Variants in KCNJ3 observed in about 807,000 individuals in gnomAD.
KCNJ3 encodes potassium inwardly rectifying channel subfamily J member 3.
Under a neutral mutation model 39.2 loss-of-function variants are expected in KCNJ3, and 4 were observed. That is an observed-to-expected ratio of 0.10 (90% CI 0.05 to 0.23). The LOEUF is 0.23. Among genes scored for constraint, KCNJ3 ranks in the 10% least tolerant of loss-of-function variants. The pLI, the probability that KCNJ3 is intolerant of heterozygous loss-of-function variation, is 1.00. For synonymous variants in KCNJ3, 230 were observed against 237.4 expected, an observed-to-expected ratio of 0.97 and a Z score of 0.29; for missense variants, 276 against 634.9, an observed-to-expected ratio of 0.43 and a Z score of 6.08.
chr2:154,802,982 C>T (rs1686846231), intron 2 of KCNJ3, among the ~76,000 whole-genome samples: 3 of 151,850 alleles, frequency 2.0e-5, no homozygotes, highest in African/African-American at 7.3e-5. Flanking sequence ...CTTCAAGGCT[C>T]TGAAACCAAT....
intron 2 of KCNJ3, among the ~76,000 whole-genome samples, chr2:154,737,368 A>T (rs1304619891): frequency 6.6e-6 from 1 of 152,196 alleles, no homozygotes. Context: ...ACTCAAAAAT[A>T]TTTATGGAAA....
At position 154,804,615 on chromosome 2, in the gene KCNJ3, G is replaced by A. The variant is rs116729109; in HGVS notation, c.920-50112G>A. Among the ~76,000 whole-genome samples the A allele has an allele frequency of 2.9e-3, 446 of 152,264 alleles. 4 individuals are homozygous for A. The highest frequency in any genetic ancestry group is 0.01 in the African/African-American group (432 of 41,566). On this transcript the variant is annotated intron_variant, in intron 2 of 2. Transcript: ENST00000295101. ...CTGACTTATTCTGTGACAAGTAAGT[G>A]TCAAGTACTAGGCAAGGTGCTGTTT...
At chr2:154,788,261 A>G (rs890111795) in intron 2 of KCNJ3, among the ~76,000 whole-genome samples, 9 of 152,172 alleles carry the variant, frequency 5.9e-5, no homozygotes, top group African/African-American at 2.2e-4. Context: ...AGCTGGCAAA[A>G]TGGAGATATT....
At chr2:154,730,985 G>T (rs1312881751) in intron 2 of KCNJ3, among the ~76,000 whole-genome samples, 2 of 152,012 alleles carry the variant, frequency 1.3e-5, no homozygotes, top group Non-Finnish European at 2.9e-5. Flanking sequence ...AATTCATTTA[G>T]ACTCTATGTT....
rs139484046 is a variant in KCNJ3 at position 154,712,594 on chromosome 2, C to T, written c.919+2775C>T. Among the ~76,000 whole-genome samples the T allele has an allele frequency of 7.4e-4, 112 of 152,100 alleles. 2 individuals are homozygous for T. The East Asian group carries it at 0.02, about 27-fold the overall frequency. Reference sequence around the variant, plus strand: ...AGATGCTAGAGATATAGTGGTGACCCGGACAGAAAGAATTTCTTTCCTCAG... The same window carrying T: ...AGATGCTAGAGATATAGTGGTGACCTGGACAGAAAGAATTTCTTTCCTCAG... On this transcript the variant is annotated intron_variant, in intron 2 of 2. Transcript: ENST00000295101.
chr2:154,776,262 A>G (rs988487803), intron 2 of KCNJ3, among the ~76,000 whole-genome samples: 1 of 152,102 alleles, frequency 6.6e-6, no homozygotes, highest in Non-Finnish European at 1.5e-5. Context: ...TTGGCCTCCC[A>G]AAGTGCTTGG....
intron 1 of KCNJ3, among the ~76,000 whole-genome samples, chr2:154,701,005 C>T (rs1488047690): frequency 6.6e-6 from 1 of 152,098 alleles, no homozygotes; most frequent in Non-Finnish European, 1.5e-5. Context: ...CAATGAACTG[C>T]ATACAATTTT....
chr2:154,805,617 A>G (rs1257920642), intron 2 of KCNJ3, among the ~76,000 whole-genome samples: 3 of 152,172 alleles, frequency 2.0e-5, no homozygotes, highest in African/African-American at 7.2e-5. Context: ...GGGCTATGAT[A>G]GAAGTATATT....
At chr2:154,771,906 G>A (rs1468897363) in intron 2 of KCNJ3, among the ~76,000 whole-genome samples, 1 of 152,126 alleles carries the variant, frequency 6.6e-6, no homozygotes, top group Non-Finnish European at 1.5e-5. Flanking sequence ...TACAATAGTG[G>A]TGGCTTCATA....
intron 2 of KCNJ3, among the ~76,000 whole-genome samples, chr2:154,797,163 A>C (rs566618757): frequency 1.8e-4 from 28 of 152,290 alleles, no homozygotes; most frequent in African/African-American, 6.5e-4. Flanking sequence ...TGTTTGGCAA[A>C]TGTGGGCAGC....
intron 2 of KCNJ3, among the ~76,000 whole-genome samples, chr2:154,726,835 A>ACACACACACACC (rs1553455093): frequency 2.0e-4 from 20 of 98,252 alleles, no homozygotes; most frequent in African/African-American, 5.6e-4. Flanking sequence ...ACACACACAC[A>ACACACACACACC]TACACCATGG....
chr2:154,740,716 T>C (rs1305038021), intron 2 of KCNJ3, among the ~76,000 whole-genome samples: 2 of 152,092 alleles, frequency 1.3e-5, no homozygotes, highest in East Asian at 3.9e-4. Flanking sequence ...GGTGAAAGTT[T>C]TATATAATCA....
intron 2 of KCNJ3, among the ~76,000 whole-genome samples, chr2:154,836,785 G>C (rs540028795): frequency 1.3e-5 from 2 of 152,192 alleles, no homozygotes; most frequent in Admixed American, 1.3e-4. Context: ...GCAAAGCATA[G>C]AACCAGAACA....
intron 2 of KCNJ3, among the ~76,000 whole-genome samples, chr2:154,828,369 G>A (rs935795083): frequency 6.6e-5 from 10 of 152,276 alleles, no homozygotes; most frequent in African/African-American, 2.4e-4. Context: ...CCACATGCAA[G>A]GGCCATCAGG....
chr2:154,725,914 AG>A (rs201044662), intron 2 of KCNJ3, among the ~76,000 whole-genome samples: 1,737 of 152,294 alleles, frequency 0.011, 55 homozygotes, highest in Admixed American at 0.07. Flanking sequence ...CACATGTAGA[AG>A]AATGAAACTT....
At chr2:154,812,048 C>A (rs879943599) in intron 2 of KCNJ3, among the ~76,000 whole-genome samples, 1 of 152,118 alleles carries the variant, frequency 6.6e-6, no homozygotes, top group Non-Finnish European at 1.5e-5. Flanking sequence ...AAAATGATCT[C>A]ATTTACCAGA....
At chr2:154,788,790 A>C (rs1297629959) in intron 2 of KCNJ3, among the ~76,000 whole-genome samples, 3 of 151,886 alleles carry the variant, frequency 2.0e-5, no homozygotes, top group Admixed American at 2.0e-4. Flanking sequence ...TTTTAAAAAG[A>C]AACTCAGGTG....
rs566643501 is a variant in KCNJ3, at chr2:154,764,082, T to C, written c.919+54263T>C. 2.6e-5 allele frequency among the ~76,000 whole-genome samples: 4 copies of C among 152,344 alleles called. No individual in the cohort carries two copies. In the South Asian group the frequency reaches 6.2e-4, roughly 24 times the overall value. ...TCAAACTGAGACAGTCTCTCTGTTC[T>C]CAAGTGTGATATCAATGTTAGTTGT... On this transcript the variant is annotated intron_variant, in intron 2 of 2. Transcript: ENST00000295101.
At chr2:154,709,855 T>A in intron 2 of KCNJ3, 36 bp downstream of exon 2, 2 of 1,608,532 alleles carry the variant, frequency 1.2e-6, no homozygotes, top group Non-Finnish European at 1.7e-6. Flanking sequence ...AGTTTCTTTA[T>A]ACCATAATGA....
Sources: allele counts gnomAD v4.1 joint callset (sites outside exome capture counted in the v4.1 genomes callset), GRCh38; gene constraint gnomAD v4.1.1; transcripts MANE v1.5; gene names NCBI Gene and HGNC (gene_info 2026-07-23, HGNC 2026-07-21).